Variants in IQGAP2 observed in about 807,000 individuals in gnomAD.
The protein encoded by IQGAP2 is ras GTPase-activating-like protein IQGAP2.
In IQGAP2, 173 loss-of-function variants were observed where a neutral mutation model predicts 201.3. The ratio of observed to expected loss-of-function variants is 0.86; its 90% CI spans 0.76 to 0.98. The LOEUF is 0.98. Among genes scored for constraint, IQGAP2 ranks in the 50% least tolerant of loss-of-function variants. IQGAP2 has a pLI of 0.00. For missense variants in IQGAP2, 1,687 were observed against 1,864.8 expected (o/e 0.90, Z 1.76); for synonymous variants, 675 against 673.9 (o/e 1.00, Z -0.03).
At chr5:76,638,458 C>T (rs918379824) in intron 16 of IQGAP2, among the ~76,000 whole-genome samples, 17 of 152,162 alleles carry the variant, frequency 1.1e-4, no homozygotes. Flanking sequence ...ACAAGACTGG[C>T]TGGAGTCTCA....
At chr5:76,595,936 T>C (rs1201769488) in intron 9 of IQGAP2, among the ~76,000 whole-genome samples, 2 of 152,352 alleles carry the variant, frequency 1.3e-5, no homozygotes, top group Admixed American at 6.5e-5. Context: ...GGAGTAACTT[T>C]AGCAGAACAG....
intron 21 of IQGAP2, chr5:76,660,102 A>C (rs1018961480): frequency 8.3e-6 from 1 of 120,418 alleles, no homozygotes; most frequent in Non-Finnish European, 1.8e-5. Context: ...TGGCTCATAG[A>C]GCGCCAGCGG....
chr5:76,613,892 C>A (rs564629338), intron 13 of IQGAP2, among the ~76,000 whole-genome samples: 4 of 152,266 alleles, frequency 2.6e-5, no homozygotes, highest in African/African-American at 7.2e-5. Context: ...GAGGTTTCAC[C>A]ATGTTTTCCA....
Position 76,608,975 on chromosome 5 carries a change from C to T in IQGAP2, c.1358-2045C>T, listed in dbSNP as rs914206900. On this transcript the variant is annotated intron_variant, in intron 12 of 35. Coordinates refer to ENST00000274364, the MANE Select transcript of IQGAP2 (RefSeq NM_006633.5). ...AGTGGACCGTGGGCTGAGTGAAGCT[C>T]AGCAATCTTTCTTCAAATAGGATTT... 4.2e-6 allele frequency: 4 copies of T among 961,964 alleles called. No homozygotes were observed. In the East Asian group the frequency reaches 1.1e-4, roughly 26 times the overall value. The allele number at this position is 961,964 out of a possible 1,614,324, so 59.6% of individuals were successfully genotyped here.
intron 2 of IQGAP2, among the ~76,000 whole-genome samples, chr5:76,462,368 G>T (rs560191737): frequency 5.5e-4 from 83 of 152,080 alleles, no homozygotes; most frequent in African/African-American, 1.9e-3. Flanking sequence ...GGCCACTTAG[G>T]GTATATTGTC....
At chr5:76,654,374 A>G (rs1641768293) in intron 19 of IQGAP2, 103 bp downstream of exon 19, 1 of 686,582 alleles carries the variant, frequency 1.5e-6, no homozygotes, top group Non-Finnish European at 2.5e-6. Flanking sequence ...GGTGAACATG[A>G]ACACTTAAGA....
At chr5:76,443,788 T>C (rs1183150206) in intron 1 of IQGAP2, among the ~76,000 whole-genome samples, 1 of 152,214 alleles carries the variant, frequency 6.6e-6, no homozygotes, top group East Asian at 1.9e-4. Context: ...TCAGCTATAG[T>C]CTTTATTGGT....
chr5:76,644,023 G>T (rs769981332), intron 17 of IQGAP2, among the ~76,000 whole-genome samples: 1 of 151,924 alleles, frequency 6.6e-6, no homozygotes, highest in Non-Finnish European at 1.5e-5. Context: ...GTTGGCATTG[G>T]TAATTTGAAT....
chr5:76,630,158 C>A (rs1750581465), intron 14 of IQGAP2, among the ~76,000 whole-genome samples: 1 of 152,116 alleles, frequency 6.6e-6, no homozygotes. Flanking sequence ...CTGCCATAGG[C>A]AGGCACACCA....
intron 11 of IQGAP2, among the ~76,000 whole-genome samples, chr5:76,603,476 T>A (rs1214682264): frequency 6.6e-6 from 1 of 152,198 alleles, no homozygotes; most frequent in African/African-American, 2.4e-5. Context: ...TTTGCAGAAC[T>A]GTTTTGAGGA....
Position 76,677,459 on chromosome 5 carries a change from C to G in IQGAP2, c.3660+109C>G, listed in dbSNP as rs1045254193. 4.3e-6 allele frequency: 4 copies of G among 923,464 alleles called. No individual in the cohort carries two copies. The South Asian group carries it at 9.3e-5, about 21-fold the overall frequency. 57.2% of individuals were successfully genotyped at this position (923,464 alleles called of 1,614,324 possible). A position where few individuals can be genotyped will look rare whatever the true frequency, so the allele number is the denominator to read the frequency against. Reference sequence around the variant, plus strand: ...CTTATTGTACACATGTGCTAATACTCATATTCTTAACCCTAAAAATCTCGC... The same window carrying G: ...CTTATTGTACACATGTGCTAATACTGATATTCTTAACCCTAAAAATCTCGC... On this transcript the variant is annotated intron_variant, in intron 28 of 35. Coordinates refer to ENST00000274364, the MANE Select transcript of IQGAP2 (RefSeq NM_006633.5).
intron 1 of IQGAP2, among the ~76,000 whole-genome samples, chr5:76,455,060 G>A (rs1753994973): frequency 6.6e-6 from 1 of 152,154 alleles, no homozygotes; most frequent in Admixed American, 6.5e-5. Flanking sequence ...GATTTACACA[G>A]CGGACCAAAT....
intron 2 of IQGAP2, among the ~76,000 whole-genome samples, chr5:76,509,645 T>C (rs1464081227): frequency 6.6e-6 from 1 of 152,098 alleles, no homozygotes; most frequent in Non-Finnish European, 1.5e-5. Flanking sequence ...CCTCCTGCCT[T>C]GGCCTCCCAA....
intron 1 of IQGAP2, among the ~76,000 whole-genome samples, chr5:76,435,125 T>C (rs1752585456): frequency 6.6e-6 from 1 of 152,102 alleles, no homozygotes; most frequent in Non-Finnish European, 1.5e-5. Context: ...TATGCATAGT[T>C]TGCAAATATT....
chr5:76,627,547 G>C (rs745336467), intron 14 of IQGAP2, 47 bp downstream of exon 14: 25 of 1,023,020 alleles, frequency 2.4e-5, no homozygotes, highest in Non-Finnish European at 3.7e-5. Flanking sequence ...TTTTGGATTT[G>C]GTTATGTGCC....
chr5:76,445,733 G>A (rs2150109345), intron 1 of IQGAP2, among the ~76,000 whole-genome samples: 1 of 152,236 alleles, frequency 6.6e-6, no homozygotes. Context: ...CAAAGTGCTG[G>A]GATTACAGAT....
chr5:76,426,152 A>G (rs1202400356), intron 1 of IQGAP2, among the ~76,000 whole-genome samples: 3 of 152,320 alleles, frequency 2.0e-5, no homozygotes, highest in Admixed American at 2.0e-4. Flanking sequence ...ATTGCACATC[A>G]GTTTCACGTT....
chr5:76,693,955 A>C (rs1746499845), intron 31 of IQGAP2: 1 of 152,480 alleles, frequency 6.6e-6, no homozygotes, highest in Non-Finnish European at 1.5e-5. Flanking sequence ...AACATCTTTG[A>C]AAATACGTCA....
Position 76,654,246 on chromosome 5 carries a change from C to G in IQGAP2, c.2225C>G (p.Ser742Ter). 6.2e-7 allele frequency: 1 copy of G among 1,610,146 alleles called. No homozygotes were observed. ...RMATARKSYL[S>*]RLQYFRDHNN... ...GCAACTGCAAGAAAGAGCTATCTTTCAAGACTACAGTATTTCAGAGATCAT... is the reference window on the plus strand; with the variant it reads ...GCAACTGCAAGAAAGAGCTATCTTTGAAGACTACAGTATTTCAGAGATCAT... Residue 742 changes from serine (S) to a stop codon, truncating the protein, a stop_gained, in exon 19 of 36, where the codon TCA (serine) becomes TGA (stop). Transcript: ENST00000274364. LOFTEE classifies it high-confidence loss of function.
Sources: gnomAD v4.1 joint callset for allele counts (sites outside exome capture counted in the v4.1 genomes callset) on GRCh38, gnomAD v4.1.1 for gene constraint, MANE v1.5 for transcripts, NCBI Gene and HGNC (gene_info 2026-07-23, HGNC 2026-07-21) for gene names.